Variants in DACT3 observed in about 807,000 individuals in gnomAD.
DACT3 encodes dishevelled binding antagonist of beta catenin 3.
A neutral mutation model predicts 19.6 loss-of-function variants in DACT3; 5 were observed. The ratio of observed to expected loss-of-function variants is 0.26; its 90% CI spans 0.13 to 0.54. The LOEUF (loss-of-function observed/expected upper bound fraction) is 0.54. DACT3 is among the 20% of genes least tolerant of loss of function. The pLI is 0.95. For missense variants in DACT3, 908 were observed against 927.4 expected, an observed-to-expected ratio of 0.98 and a Z score of 0.27; for synonymous variants, 454 against 428.1, an observed-to-expected ratio of 1.06 and a Z score of -0.75.
intron 1 of DACT3, chr19:46,653,981 T>C (rs970603522): frequency 8.1e-6 from 8 of 985,124 alleles, no homozygotes; most frequent in African/African-American, 5.2e-5. Flanking sequence ...ATGGGTAAAA[T>C]AGGCTGACCA....
chr19:46,661,125 C>T lies in DACT3; in HGVS notation c.-61G>A. ...GCGGCCACCCCTCTCCCGGTCCCAC[C>T]TCCCCGCCCCAGCAGCCTGCCCGCC... is the stretch of plus-strand genomic sequence containing the variant. On this transcript the variant is annotated 5_prime_UTR_variant, in exon 1 of 4. Transcript: ENST00000391916. 5.2e-6 allele frequency: 7 copies of T among 1,341,000 alleles called. No homozygotes were observed. The highest frequency in any genetic ancestry group is 1.8e-5 in the South Asian group (1 of 55,670). 83.1% of individuals were successfully genotyped at this position (1,341,000 alleles called of 1,614,324 possible).
chr19:46,652,839 C>G (rs1449919439), intron 2 of DACT3, 27 bp from the exon 3 acceptor site: 4 of 1,545,518 alleles, frequency 2.6e-6, no homozygotes, highest in South Asian at 2.4e-5. Flanking sequence ...AGCAGAGAGA[C>G]TTCAGGGGGT....
intron 3 of DACT3, chr19:46,651,446 T>G (rs1360374701): frequency 6.6e-6 from 1 of 152,196 alleles, no homozygotes; most frequent in Non-Finnish European, 1.5e-5. Context: ...GGGATTTGCC[T>G]GTTTTGTTCA....
Position 46,652,716 on chromosome 19 carries a change from C to A in DACT3, c.443G>T (p.Arg148Leu), listed in dbSNP as rs748585188. Residue 148 changes from arginine to leucine, a missense_variant, in exon 3 of 4, where the codon CGC becomes CTC. Transcript: ENST00000391916. Reference sequence around the variant, plus strand: ...GCCCCGGGGCTCAGAGGGACCCAGGCGACCATAGGAGCTGGATCCAGAGAA... The same window carrying A: ...GCCCCGGGGCTCAGAGGGACCCAGGAGACCATAGGAGCTGGATCCAGAGAA... ...SGFSGSSSYG[R>L]LGPSEPRGIY... 1.9e-6 allele frequency: 3 copies of A among 1,551,570 alleles called. No homozygotes were observed. The highest frequency in any genetic ancestry group is 1.2e-5 in the South Asian group (1 of 84,048).
At chr19:46,657,090 G>T (rs937168792) in intron 1 of DACT3, among the ~76,000 whole-genome samples, 1 of 152,170 alleles carries the variant, frequency 6.6e-6, no homozygotes, top group Non-Finnish European at 1.5e-5. Flanking sequence ...GGTCTGGGAG[G>T]TGACACTAAG....
Position 46,649,056 on chromosome 19 carries a change from G to A in DACT3, c.1316C>T (p.Ser439Leu), listed in dbSNP as rs1176669273. 19 of 1,288,166 alleles carry A rather than the reference G, an allele frequency of 1.5e-5. No homozygotes were observed. The East Asian group carries it at 5.9e-4, about 40-fold the overall frequency. The allele number at this position is 1,288,166 out of a possible 1,614,324, so 79.8% of individuals were successfully genotyped here. A position where few individuals can be genotyped will look rare whatever the true frequency, so the allele number is the denominator to read the frequency against. ...CGCCGTGGGGTACTTAGGGGGCCCC[G>A]AAGGGACCGCGGAGGCGCGGCCCAG... ...SLLGRASAVP[S>L]GPPKYPTAER... Residue 439 changes from serine (S) to leucine (L), a missense_variant, in exon 4 of 4, where the codon TCG becomes TTG. Transcript: ENST00000391916.
chr19:46,649,809 G>A lies in DACT3; in HGVS notation c.563C>T (p.Ser188Leu). The change falls in exon 4 of 4, where the codon TCA becomes TTA. Residue 188 changes from serine to leucine, a missense_variant. Physicochemically the swap from Ser to Leu is moderately radical, Grantham distance 145. Coordinates refer to ENST00000391916, the MANE Select transcript of DACT3 (RefSeq NM_145056.3). Reference sequence around the variant, plus strand: ...CCCCCCTGCCGTCGGGTAGGGCGCTGAGAAGGACCGCGGCACCGCTGCCCG... The same window carrying A: ...CCCCCCTGCCGTCGGGTAGGGCGCTAAGAAGGACCGCGGCACCGCTGCCCG... The part of the protein sequence containing the change: ...GARAAVPRSF[S>L]APYPTAGGSA... 1 of 1,412,672 alleles carries A rather than the reference G, an allele frequency of 7.1e-7. No individual in the cohort carries two copies. The highest frequency in any genetic ancestry group is 9.2e-7 in the Non-Finnish European group (1 of 1,088,620). The allele number at this position is 1,412,672 out of a possible 1,614,324, so 87.5% of individuals were successfully genotyped here.
chr19:46,650,125 C>CAAT, intron 3 of DACT3: 1 of 150,874 alleles, frequency 6.6e-6, no homozygotes, highest in Non-Finnish European at 1.1e-5. Context: ...ATCTTACCCC[C>CAAT]TATTTTTTTT....
In DACT3 at chr19:46,659,436, C is replaced by A. The variant is rs1190304091; in HGVS notation, c.249+1380G>T. The A allele has an allele frequency of 1.1e-5, 11 of 984,548 alleles. No homozygotes were observed. The South Asian group carries it at 4.2e-4, about 38-fold the overall frequency. 61.0% of individuals were successfully genotyped at this position (984,548 alleles called of 1,614,324 possible). On this transcript the variant is annotated intron_variant, in intron 1 of 3. Coordinates refer to ENST00000391916, the MANE Select transcript of DACT3 (RefSeq NM_145056.3). ...ACAGCTACCCCAACCTCATGCCTCG[C>A]ATTCTCCTTGTCAGGATGGAAGGCG...
At chr19:46,659,178 C>T (rs2053054616) in intron 1 of DACT3, 1 of 985,010 alleles carries the variant, frequency 1.0e-6, no homozygotes, top group African/African-American at 1.8e-5. Context: ...TGCTCCTCCT[C>T]CTCCCCCCGC....
At chr19:46,655,442 G>A (rs2053025618) in intron 1 of DACT3, among the ~76,000 whole-genome samples, 3 of 151,994 alleles carry the variant, frequency 2.0e-5, no homozygotes, top group Non-Finnish European at 4.4e-5. Flanking sequence ...GTGAAACCCC[G>A]TCTCTACTAG....
intron 1 of DACT3, chr19:46,654,105 C>T (rs1483059668): frequency 5.1e-6 from 5 of 985,256 alleles, no homozygotes; most frequent in Non-Finnish European, 6.0e-6. Context: ...CGTTCCTTTG[C>T]CCTAGAGACC....
intron 3 of DACT3, 59 bp downstream of exon 3, chr19:46,652,601 A>G: frequency 3.3e-6 from 5 of 1,518,024 alleles, no homozygotes; most frequent in African/African-American, 1.4e-5. Flanking sequence ...GTCTGTGCCC[A>G]CAACCATCCT....
In DACT3 at chr19:46,652,987, C is replaced by T. The variant is rs771652308; in HGVS notation, c.338G>A (p.Arg113His). The T allele has an allele frequency of 7.7e-6, 12 of 1,551,122 alleles. No homozygotes were observed. The highest frequency in any genetic ancestry group is 7.3e-5 in the East Asian group (3 of 40,928). Residue 113 changes from arginine (R) to histidine (H), a missense_variant, in exon 2 of 4, where the codon CGT becomes CAT. Physicochemically the swap from Arg to His is conservative, Grantham distance 29 (BLOSUM62 0). Transcript: ENST00000391916. ...CCTCCATCCATGCTCACCCGAGCTA[C>T]GCCCGCTCTCCTGTTCCAGGCCCCC... ...ESGGLEQESGRSSGFYEDPSS... is the reference protein window; with the variant it reads ...ESGGLEQESGHSSGFYEDPSS...
At chr19:46,654,481 CAA>C (rs78287248) in intron 1 of DACT3, 6,997 of 696,634 alleles carry the variant, frequency 0.01, no homozygotes, top group Middle Eastern at 0.013. Context: ...GCAAGACTGA[CAA>C]AAAAAAAAAA....
intron 1 of DACT3, among the ~76,000 whole-genome samples, chr19:46,655,389 G>T (rs1382318622): frequency 1.3e-5 from 2 of 152,118 alleles, no homozygotes; most frequent in Non-Finnish European, 2.9e-5. Context: ...AGGCAGGGAG[G>T]ATCACTTGAG....
Position 46,649,465 on chromosome 19 carries a change from G to T in DACT3, c.907C>A (p.Arg303=). Residue 303 remains arginine, a synonymous_variant, in exon 4 of 4, where the codon CGG becomes AGG. Coordinates refer to ENST00000391916, the MANE Select transcript of DACT3 (RefSeq NM_145056.3). The part of the protein sequence containing the change: ...SPSPGSARPA[R]EPSLERVGGH... ...CCGACGCGCTCCAACGAGGGCTCCC[G>T]CGCGGGTCGCGCGCTGCCGGGGGAC... is the stretch of plus-strand genomic sequence containing the variant. 1 of 1,170,626 alleles carries T rather than the reference G, an allele frequency of 8.5e-7. No homozygotes were observed. The highest frequency in any genetic ancestry group is 1.1e-6 in the Non-Finnish European group (1 of 948,638). The allele number at this position is 1,170,626 out of a possible 1,614,324, so 72.5% of individuals were successfully genotyped here. A position where few individuals can be genotyped will look rare whatever the true frequency, so the allele number is the denominator to read the frequency against.
Position 46,649,291 on chromosome 19 carries a change from G to C in DACT3, c.1081C>G (p.Pro361Ala). 8.2e-7 allele frequency: 1 copy of C among 1,223,354 alleles called. No homozygotes were observed. 75.8% of individuals were successfully genotyped at this position (1,223,354 alleles called of 1,614,324 possible). ...CCTCGGGTGGCCGCCTGCGCGCCCG[G>C]GATGTACTGCGCCTTCACCAAGCGG... ...EGRLVKAQYI[P>A]GAQAATRGLP... is the part of the protein sequence containing the mutation. The change falls in exon 4 of 4, where the codon CCG (proline) becomes GCG (alanine). Residue 361 changes from proline (P) to alanine (A), a missense_variant. Coordinates refer to ENST00000391916, the MANE Select transcript of DACT3 (RefSeq NM_145056.3).
rs980735397 is a variant in DACT3 at position 46,655,925 on chromosome 19, C to CTCTCTCTCTCTATATA, written c.250-2851_250-2850insTATATAGAGAGAGAGA. ...AGTCTCTCTCTCTCTCTCTCTCTCT[C>CTCTCTCTCTCTATATA]TATATATATATATATATATATACAC... On this transcript the variant is annotated intron_variant, in intron 1 of 3. Coordinates refer to ENST00000391916, the MANE Select transcript of DACT3 (RefSeq NM_145056.3). Among the ~76,000 whole-genome samples, 10 of 137,936 alleles carry CTCTCTCTCTCTATATA rather than the reference C, an allele frequency of 7.2e-5. No individual in the cohort carries two copies. The East Asian group carries it at 1.4e-3, about 20-fold the overall frequency. 90.5% of individuals were successfully genotyped at this position (137,936 alleles called of 152,430 possible).
Sources: gnomAD v4.1 joint callset for allele counts (sites outside exome capture counted in the v4.1 genomes callset) on GRCh38, gnomAD v4.1.1 for gene constraint, MANE v1.5 for transcripts, NCBI Gene and HGNC (gene_info 2026-07-23, HGNC 2026-07-21) for gene names.